The following TSBP1 variants were observed in gnomAD, a reference collection of about 807,000 sequenced individuals.
TSBP1 encodes the protein testis-expressed basic protein 1.
Under a neutral mutation model 68.8 loss-of-function variants are expected in TSBP1, and 56 were observed. The ratio of observed to expected loss-of-function variants is 0.81; its 90% CI spans 0.66 to 1.02. The LOEUF (loss-of-function observed/expected upper bound fraction) is 1.02, where lower values mean the gene tolerates loss of function less well. Among genes scored for constraint, TSBP1 ranks in the 50% least tolerant of loss-of-function variants. The probability of loss-of-function intolerance (pLI) is 0.00; values close to 1 mark genes in which losing one functional copy is unlikely to be tolerated. For synonymous variants in TSBP1, 171 were observed against 208.7 expected (o/e 0.82, Z 1.56); for missense variants, 502 against 641.2 (o/e 0.78, Z 2.34).
chr6:32,369,464 G>A (rs746069050), intron 2 of TSBP1, among the ~76,000 whole-genome samples: 1 of 146,892 alleles, frequency 6.8e-6, no homozygotes, highest in Non-Finnish European at 1.5e-5. Context: ...TCCGTCTCCT[G>A]GGTTCAAACA....
exon 23 of TSBP1, chr6:32,294,006 G>T: frequency 6.2e-7 from 1 of 1,611,056 alleles, no homozygotes; most frequent in South Asian, 1.1e-5. Context: ...TTTTTTGCAA[G>T]TTCTTCATCC....
At chr6:32,350,621 G>A (rs758161668) in intron 8 of TSBP1, among the ~76,000 whole-genome samples, 1 of 152,176 alleles carries the variant, frequency 6.6e-6, no homozygotes, top group Non-Finnish European at 1.5e-5. Flanking sequence ...CTCATGCATT[G>A]TAAGAACCTG....
chr6:32,330,635 AACACAC>A (rs9279582), intron 15 of TSBP1, 26 bp from the exon 17 acceptor site: 16,118 of 1,130,118 alleles, frequency 0.014, 103 homozygotes, highest in East Asian at 0.085. Flanking sequence ...AAACAAATTA[AACACAC>A]ACACACACAC....
Position 32,324,597 on chromosome 6 carries a change from T to C in TSBP1, c.515-983A>G, listed in dbSNP as rs764562239. On this transcript the variant is annotated intron_variant, in intron 16 of 22. Coordinates refer to ENST00000612031, the Ensembl canonical transcript of TSBP1. ...TCCCAATATGGGCAGATAAAGACTC[T>C]TGGACTCCACTAGAGACCGAGTCCT... The C allele has an allele frequency of 2.1e-5, 32 of 1,498,676 alleles. No homozygotes were observed. In the African/African-American group the frequency reaches 4.4e-4, roughly 21 times the overall value. 92.8% of individuals were successfully genotyped at this position (1,498,676 alleles called of 1,614,324 possible).
intron 6 of TSBP1, among the ~76,000 whole-genome samples, chr6:32,358,022 C>T (rs910537691): frequency 8.5e-5 from 13 of 152,112 alleles, no homozygotes; most frequent in Non-Finnish European, 1.6e-4. Context: ...CTACTGGAGG[C>T]CTTGGACAGC....
At position 32,338,837 on chromosome 6, in the gene TSBP1, T is replaced by G. The variant is rs930300246; in HGVS notation, c.409+142A>C. 1.4e-6 allele frequency: 1 copy of G among 706,052 alleles called. No homozygotes were observed. The highest frequency in any genetic ancestry group is 2.5e-6 in the Non-Finnish European group (1 of 399,382). The allele number at this position is 706,052 out of a possible 1,614,324, so 43.7% of individuals were successfully genotyped here. A position where few individuals can be genotyped will look rare whatever the true frequency, so the allele number is the denominator to read the frequency against. ...ACAGAGGCACCCCAGTTTATTAAGA[T>G]AAGAATAGGGAATAAACAAGGGGAA... On this transcript the variant is annotated intron_variant, in intron 11 of 22. Transcript: ENST00000612031. The surrounding 1 kb of genome is among the most constrained non-coding windows in gnomAD (Gnocchi z 5.5).
intron 19 of TSBP1, among the ~76,000 whole-genome samples, chr6:32,311,195 C>T (rs1021294654): frequency 6.6e-6 from 1 of 152,056 alleles, no homozygotes; most frequent in Non-Finnish European, 1.5e-5. Context: ...AATCCTTACC[C>T]CTTCATTTTT....
rs1773009902 is a variant in TSBP1, at chr6:32,361,418, T to C, written c.217+4749A>G. On this transcript the variant is annotated intron_variant, in intron 6 of 22. Coordinates refer to ENST00000612031, the Ensembl canonical transcript of TSBP1. This position sits in a 1 kb window ranked among gnomAD's most constrained non-coding sequence, Gnocchi z 4.3. ...CCAATAATGAGATGGCTGGGTCAAA[T>C]GGTATTTCTAGTTCTAGATCCTTGA... Among the ~76,000 whole-genome samples the C allele has an allele frequency of 1.3e-5, 2 of 152,116 alleles. No individual in the cohort carries two copies. The highest frequency in any genetic ancestry group is 2.1e-4 in the South Asian group (1 of 4,826).
intron 8 of TSBP1, among the ~76,000 whole-genome samples, chr6:32,350,705 C>T (rs1771622091): frequency 6.6e-6 from 1 of 152,202 alleles, no homozygotes; most frequent in Admixed American, 6.6e-5. Flanking sequence ...GTTAAAGTTG[C>T]TAATCAGCTG....
chr6:32,307,878 T>G (rs1057478163), intron 19 of TSBP1, among the ~76,000 whole-genome samples: 3 of 151,770 alleles, frequency 2.0e-5, no homozygotes, highest in Non-Finnish European at 4.4e-5. Flanking sequence ...TAGGTTCAAG[T>G]GACTCTCCAG....
rs979494555 is a variant in TSBP1 at position 32,292,801 on chromosome 6, T to C, written c.*180A>G. ...ACTTATAAAACAAATATTTGGAAAC[T>C]GAGGTTTGTGGCTGAGAGATTAAAA... On this transcript the variant is annotated 3_prime_UTR_variant, in exon 23 of 23. Transcript: ENST00000612031. This position sits in a 1 kb window ranked among gnomAD's most constrained non-coding sequence, Gnocchi z 4.1. The C allele has an allele frequency of 3.7e-6, 2 of 544,574 alleles. No individual in the cohort carries two copies. Among genetic ancestry groups the C allele is most frequent in the Non-Finnish European group, 6.4e-6 (2 of 312,892 alleles). 33.7% of individuals were successfully genotyped at this position (544,574 alleles called of 1,614,324 possible).
In TSBP1 at chr6:32,365,231, C is replaced by T; in HGVS notation, c.217+936G>A. ...AAGATTGTGCTTTCTCTCAATCCTG[C>T]AAAGCCAGTCCAGGTTCTGAGAGCC... On this transcript the variant is annotated intron_variant, in intron 6 of 22. Coordinates refer to ENST00000612031, the Ensembl canonical transcript of TSBP1. This position sits in a 1 kb window ranked among gnomAD's most constrained non-coding sequence, Gnocchi z 4.3. 2.3e-6 allele frequency: 1 copy of T among 437,498 alleles called. No individual in the cohort carries two copies. The highest frequency in any genetic ancestry group is 1.7e-5 in the South Asian group (1 of 60,318). The allele number at this position is 437,498 out of a possible 1,614,324, so 27.1% of individuals were successfully genotyped here. A position where few individuals can be genotyped will look rare whatever the true frequency, so the allele number is the denominator to read the frequency against.
chr6:32,322,456 A>G, intron 18 of TSBP1, 30 bp downstream of exon 20: 1 of 1,565,952 alleles, frequency 6.4e-7, no homozygotes, highest in Non-Finnish European at 8.8e-7. Flanking sequence ...AAGTCCCCAC[A>G]TATGACCAGC....
intron 20 of TSBP1, 35 bp from the exon 24 acceptor site, chr6:32,300,735 C>T (rs774198823): frequency 4.4e-6 from 7 of 1,595,034 alleles, no homozygotes; most frequent in Non-Finnish European, 6.0e-6. Context: ...TCAGTAGGTA[C>T]TGGGCATTCC....
rs1159202352 is a variant in TSBP1, at chr6:32,343,306, C to T, written c.350-3668G>A. ...CAAGTCAGTCTAAAGTTTCAATAATCCATCAATTTCCCAAAAGTCTTCCCA... is the reference window on the plus strand; with the variant it reads ...CAAGTCAGTCTAAAGTTTCAATAATTCATCAATTTCCCAAAAGTCTTCCCA... On this transcript the variant is annotated intron_variant, in intron 9 of 22. Coordinates refer to ENST00000612031, the Ensembl canonical transcript of TSBP1. This position sits in a 1 kb window ranked among gnomAD's most constrained non-coding sequence, Gnocchi z 4.3. The T allele has an allele frequency of 8.3e-7, 1 of 1,209,538 alleles. No homozygotes were observed. Among genetic ancestry groups the T allele is most frequent in the East Asian group, 3.1e-5 (1 of 32,702 alleles). The allele number at this position is 1,209,538 out of a possible 1,614,324, so 74.9% of individuals were successfully genotyped here.
In TSBP1 at chr6:32,323,630, G is replaced by A; in HGVS notation, c.515-16C>T. ...GGTGGACCAGCTGAAAAACAGAGAG[G>A]TATCTTAGCAACTGTTTTTTCTCCC... On this transcript the variant is annotated splice_polypyrimidine_tract_variant and intron_variant, in intron 16 of 22. Transcript: ENST00000612031. 6.2e-7 allele frequency: 1 copy of A among 1,611,266 alleles called. No individual in the cohort carries two copies. Among genetic ancestry groups the A allele is most frequent in the Non-Finnish European group, 8.5e-7 (1 of 1,178,704 alleles).
rs540779821 is a variant in TSBP1, at chr6:32,321,943, C to G, written c.559+1174G>C. On this transcript the variant is annotated intron_variant, in intron 18 of 22. Coordinates refer to ENST00000612031, the Ensembl canonical transcript of TSBP1. This position sits in a 1 kb window ranked among gnomAD's most constrained non-coding sequence, Gnocchi z 4.3. ...AGAGGTTGGCTGGAGCAGGCAGCAG[C>G]TACCCTCTTCAGACTATATGTGTCC... Among the ~76,000 whole-genome samples the G allele has an allele frequency of 6.6e-6, 1 of 152,234 alleles. No individual in the cohort carries two copies. Among genetic ancestry groups the G allele is most frequent in the Non-Finnish European group, 1.5e-5 (1 of 68,046 alleles).
Position 32,335,936 on chromosome 6 carries a change from TGAGA to T in TSBP1, c.431-8_431-5del. ...CTGATAGGTCCTGTAGCTCCGGCTG[TGAGA>T]GAGAAAGAGGGAGAAAGAAAAAGAT... On this transcript the variant is annotated splice_polypyrimidine_tract_variant and splice_region_variant and intron_variant, in intron 12 of 22. Coordinates refer to ENST00000612031, the Ensembl canonical transcript of TSBP1. This position sits in a 1 kb window ranked among gnomAD's most constrained non-coding sequence, Gnocchi z 5.5. 4 of 1,608,712 alleles carry T rather than the reference TGAGA, an allele frequency of 2.5e-6. No individual in the cohort carries two copies. The highest frequency in any genetic ancestry group is 2.7e-5 in the African/African-American group (2 of 74,970).
intron 9 of TSBP1, 163 bp downstream of exon 9, chr6:32,349,577 G>T: frequency 1.7e-6 from 1 of 584,020 alleles, no homozygotes; most frequent in South Asian, 2.4e-5. Flanking sequence ...ACTTTTGACT[G>T]ATTATTGAAG....
Sources: gnomAD v4.1 joint callset for allele counts (sites outside exome capture counted in the v4.1 genomes callset) on GRCh38, gnomAD v4.1.1 for gene constraint, Gnocchi (gnomAD v3.1) non-coding constraint, MANE v1.5 for transcripts, NCBI Gene and HGNC (gene_info 2026-07-23, HGNC 2026-07-21) for gene names.